DNMT3A: variants seen among roughly 807,000 people sequenced by gnomAD.
DNMT3A encodes the protein DNA methyltransferase 3 alpha, also known as DNA (cytosine-5)-methyltransferase 3A.
In DNMT3A, 267 loss-of-function variants were observed where a neutral mutation model predicts 117.6. The ratio of observed to expected loss-of-function variants is 2.27; its 90% CI spans 2.05 to 2.51. The LOEUF (loss-of-function observed/expected upper bound fraction) is 2.51. Ranked by LOEUF, DNMT3A falls within the 30% of genes most tolerant of loss-of-function variation. The pLI is 0.00. For synonymous variants in DNMT3A, 432 were observed against 474.8 expected, an observed-to-expected ratio of 0.91 and a Z score of 1.17; for missense variants, 1,029 against 1,260.2, an observed-to-expected ratio of 0.82 and a Z score of 2.78.
In DNMT3A at chr2:25,304,537, G is replaced by A. The variant is rs182608726; in HGVS notation, c.73-4294C>T. On this transcript the variant is annotated intron_variant, in intron 2 of 22. Coordinates refer to ENST00000321117, the MANE Select transcript of DNMT3A (RefSeq NM_022552.5). The surrounding 1 kb of genome is among the most constrained non-coding windows in gnomAD (Gnocchi z 4.3). ...ACACAGAGCCCAACATCTGGCGGGC[G>A]CTCTTGCCGCAAGATATGTGGCAAT... Among the ~76,000 whole-genome samples, 23 of 152,312 alleles carry A rather than the reference G, an allele frequency of 1.5e-4. No homozygotes were observed. Among genetic ancestry groups the A allele is most frequent in the African/African-American group, 2.4e-4 (10 of 41,574 alleles).
chr2:25,326,466 C>T (rs899654373), intron 1 of DNMT3A, among the ~76,000 whole-genome samples: 1 of 152,156 alleles, frequency 6.6e-6, no homozygotes, highest in African/African-American at 2.4e-5. Context: ...AAGGGGTAAA[C>T]TGTGCCAGTT....
At chr2:25,283,827 G>C (rs967760879) in intron 3 of DNMT3A, among the ~76,000 whole-genome samples, 1 of 152,190 alleles carries the variant, frequency 6.6e-6, no homozygotes, top group African/African-American at 2.4e-5. Context: ...CTGCGCAGTG[G>C]ACAAAGCTCC....
chr2:25,285,662 G>GT (rs1558708046), intron 3 of DNMT3A, among the ~76,000 whole-genome samples: 1 of 152,232 alleles, frequency 6.6e-6, no homozygotes, highest in East Asian at 1.9e-4. Flanking sequence ...GAGCCAGGAA[G>GT]GCCAAATCCG....
rs1434059436 is a variant in DNMT3A, at chr2:25,327,673, T to C, written c.-177-13512A>G. ...CTAAATGCTCTTCCTCTAAGACACC[T>C]GGGCATAAGTTAACATACGCCTCCT... On this transcript the variant is annotated intron_variant, in intron 1 of 22. Transcript: ENST00000321117. This position sits in a 1 kb window ranked among gnomAD's most constrained non-coding sequence, Gnocchi z 4.1. Among the ~76,000 whole-genome samples, 1 of 152,218 alleles carries C rather than the reference T, an allele frequency of 6.6e-6. No individual in the cohort carries two copies. The highest frequency in any genetic ancestry group is 1.5e-5 in the Non-Finnish European group (1 of 68,040).
chr2:25,312,984 G>C (rs2034200259), intron 2 of DNMT3A, among the ~76,000 whole-genome samples: 1 of 152,196 alleles, frequency 6.6e-6, no homozygotes, highest in South Asian at 2.1e-4. Context: ...AGCAGGCAGG[G>C]GGAACTGTGG....
intron 3 of DNMT3A, among the ~76,000 whole-genome samples, chr2:25,292,351 A>G: frequency 1.9e-5 from 1 of 53,494 alleles, no homozygotes; most frequent in Non-Finnish European, 4.1e-5. Flanking sequence ...ATCTGTCTCA[A>G]AAACAAAAAC....
At chr2:25,285,471 C>T (rs949135837) in intron 3 of DNMT3A, among the ~76,000 whole-genome samples, 1 of 152,366 alleles carries the variant, frequency 6.6e-6, no homozygotes, top group African/African-American at 2.4e-5. Context: ...CTGCCAAGCT[C>T]CTTTCCTGCT....
At position 25,235,751 on chromosome 2, in the gene DNMT3A, G is replaced by GA; in HGVS notation, c.2552dup (p.Met852HisfsTer3). 2 of 1,614,172 alleles carry GA rather than the reference G, an allele frequency of 1.2e-6. No homozygotes were observed. The highest frequency in any genetic ancestry group is 1.7e-6 in the Non-Finnish European group (2 of 1,180,014). On this transcript the variant is annotated frameshift_variant, in exon 22 of 23. Transcript: ENST00000321117. LOFTEE classifies it high-confidence loss of function. Reference sequence around the variant, plus strand: ...ATAAGATGTCCTCTTTCTCATTCATGAAGACAGGAAAATGCTGGTCTTTGC... The same window carrying GA: ...ATAAGATGTCCTCTTTCTCATTCATGAAAGACAGGAAAATGCTGGTCTTTGC...
intron 3 of DNMT3A, among the ~76,000 whole-genome samples, chr2:25,284,823 G>A (rs754055627): frequency 4.6e-5 from 7 of 151,810 alleles, no homozygotes; most frequent in South Asian, 2.1e-4. Flanking sequence ...ACAATCATGT[G>A]TAAGTTACAT....
intron 3 of DNMT3A, among the ~76,000 whole-genome samples, chr2:25,297,614 G>A (rs568389709): frequency 1.3e-5 from 2 of 151,470 alleles, no homozygotes; most frequent in South Asian, 2.1e-4. Context: ...GGGTTCAAGC[G>A]ATTCTCTTGC....
chr2:25,309,357 T>C (rs545501329), intron 2 of DNMT3A, among the ~76,000 whole-genome samples: 47 of 152,102 alleles, frequency 3.1e-4, no homozygotes, highest in Non-Finnish European at 5.6e-4. Context: ...CAGGAAGAAA[T>C]GGTAAGAAGC....
chr2:25,310,648 T>C (rs944189861), intron 2 of DNMT3A, among the ~76,000 whole-genome samples: 1 of 152,180 alleles, frequency 6.6e-6, no homozygotes, highest in African/African-American at 2.4e-5. Flanking sequence ...TTTCTTTCCG[T>C]TCTATCCGTA....
intron 1 of DNMT3A, among the ~76,000 whole-genome samples, chr2:25,325,037 A>G (rs2034732338): frequency 6.6e-6 from 1 of 152,068 alleles, no homozygotes; most frequent in African/African-American, 2.4e-5. Context: ...AGGAGCACTT[A>G]TGATCACACC....
At chr2:25,270,606 A>G (rs1287682829) in intron 6 of DNMT3A, among the ~76,000 whole-genome samples, 1 of 149,490 alleles carries the variant, frequency 6.7e-6, no homozygotes, top group Non-Finnish European at 1.5e-5. Flanking sequence ...CTTTTTTGGG[A>G]GGAGGAGGGT....
Position 25,236,854 on chromosome 2 carries a change from C to A in DNMT3A, c.2478+82G>T. 1 of 1,434,092 alleles carries A rather than the reference C, an allele frequency of 7.0e-7. No homozygotes were observed. Among genetic ancestry groups the A allele is most frequent in the Non-Finnish European group, 9.5e-7 (1 of 1,049,116 alleles). 88.8% of individuals were successfully genotyped at this position (1,434,092 alleles called of 1,614,324 possible). On this transcript the variant is annotated intron_variant, in intron 21 of 22. Coordinates refer to ENST00000321117, the MANE Select transcript of DNMT3A (RefSeq NM_022552.5). This position sits in a 1 kb window ranked among gnomAD's most constrained non-coding sequence, Gnocchi z 4.5. ...ACACTAGCTGGAGAAGCAGGCGGGA[C>A]AAGGCCCTGGCCACCGCTCCACCTC...
intron 6 of DNMT3A, among the ~76,000 whole-genome samples, chr2:25,260,657 C>A (rs1024002308): frequency 2.6e-5 from 4 of 152,154 alleles, no homozygotes; most frequent in Non-Finnish European, 4.4e-5. Context: ...AGAGTTGCTA[C>A]TGAAGAATGG....
At chr2:25,295,294 C>T (rs553393633) in intron 3 of DNMT3A, among the ~76,000 whole-genome samples, 1 of 152,354 alleles carries the variant, frequency 6.6e-6, no homozygotes, top group Admixed American at 6.5e-5. Flanking sequence ...GGCCAGCCCG[C>T]AGGCCCTGGC....
intron 6 of DNMT3A, among the ~76,000 whole-genome samples, chr2:25,267,068 A>G (rs2030424117): frequency 6.6e-6 from 1 of 152,248 alleles, no homozygotes; most frequent in African/African-American, 2.4e-5. Context: ...ATGGTGGAAT[A>G]TAATAGTAAT....
chr2:25,255,604 TC>T (rs1558683329), intron 6 of DNMT3A, among the ~76,000 whole-genome samples: 1 of 152,156 alleles, frequency 6.6e-6, no homozygotes, highest in Non-Finnish European at 1.5e-5. Context: ...CAAAAATACC[TC>T]TGAAGGACAC....
Sources: gnomAD v4.1 joint callset for allele counts (sites outside exome capture counted in the v4.1 genomes callset) on GRCh38, gnomAD v4.1.1 for gene constraint, Gnocchi (gnomAD v3.1) non-coding constraint, MANE v1.5 for transcripts, NCBI Gene and HGNC (gene_info 2026-07-23, HGNC 2026-07-21) for gene names.